The following DTNA variants were observed in gnomAD, a reference collection of about 807,000 sequenced individuals.
DTNA encodes dystrobrevin alpha.
In DTNA, 43 loss-of-function variants were observed where a neutral mutation model predicts 100.7. That is an observed-to-expected ratio of 0.43 (90% CI 0.33 to 0.55). The LOEUF (loss-of-function observed/expected upper bound fraction) is 0.55, where lower values mean the gene tolerates loss of function less well. DTNA is among the 20% of genes least tolerant of loss of function. The pLI, the probability that DTNA is intolerant of heterozygous loss-of-function variation, is 0.04. For missense variants in DTNA, 798 were observed against 953.9 expected, an observed-to-expected ratio of 0.84 and a Z score of 2.15; for synonymous variants, 349 against 347.9, an observed-to-expected ratio of 1.00 and a Z score of -0.04.
intron 1 of DTNA, among the ~76,000 whole-genome samples, chr18:34,716,734 A>G (rs897600190): frequency 2.0e-5 from 3 of 152,218 alleles, no homozygotes; most frequent in African/African-American, 7.2e-5. Flanking sequence ...TAACTAGCTG[A>G]GTTAATATAA....
At chr18:34,521,193 T>C (rs2042118300) in intron 1 of DTNA, among the ~76,000 whole-genome samples, 1 of 152,166 alleles carries the variant, frequency 6.6e-6, no homozygotes, top group African/African-American at 2.4e-5. Context: ...CCAGCAGTCA[T>C]CAAATGCTGA....
In DTNA at chr18:34,718,582, C is replaced by T. The variant is rs574435869; in HGVS notation, c.-2+8137C>T. Among the ~76,000 whole-genome samples, 79 of 152,180 alleles carry T rather than the reference C, an allele frequency of 5.2e-4. 1 individual carries two copies. The East Asian group carries it at 0.01, about 20-fold the overall frequency. On this transcript the variant is annotated intron_variant, in intron 1 of 22. Coordinates refer to ENST00000444659, the MANE Select transcript of DTNA (RefSeq NM_001386795.1). ...CCAGCATCAAAGCCCCCACTGTTTTCTAATAAGACGTTAGGTTTTATTTCT... is the reference window on the plus strand; with the variant it reads ...CCAGCATCAAAGCCCCCACTGTTTTTTAATAAGACGTTAGGTTTTATTTCT...
intron 1 of DTNA, among the ~76,000 whole-genome samples, chr18:34,607,094 T>A (rs999918703): frequency 2.0e-5 from 3 of 152,228 alleles, no homozygotes; most frequent in Admixed American, 2.0e-4. Context: ...GCATTTTACT[T>A]CATAATGAAT....
At chr18:34,705,522 G>A (rs1355221231), upstream of DTNA, among the ~76,000 whole-genome samples, 1 of 152,184 alleles carries the variant, frequency 6.6e-6, no homozygotes, top group Non-Finnish European at 1.5e-5. Flanking sequence ...TAGCACTAGA[G>A]TAATTTCATG....
intron 1 of DTNA, among the ~76,000 whole-genome samples, chr18:34,693,656 A>G (rs947667083): frequency 6.6e-6 from 1 of 152,148 alleles, no homozygotes; most frequent in African/African-American, 2.4e-5. Context: ...AATTAACCAA[A>G]TATCAGGAAC....
At chr18:34,720,021 G>A (rs543425851) in intron 1 of DTNA, among the ~76,000 whole-genome samples, 4 of 152,238 alleles carry the variant, frequency 2.6e-5, no homozygotes, top group African/African-American at 9.6e-5. Flanking sequence ...GTTCATTGCC[G>A]TCTTACTAGG....
intron 20 of DTNA, among the ~76,000 whole-genome samples, chr18:34,880,044 A>C (rs187911579): frequency 2.6e-5 from 4 of 152,316 alleles, no homozygotes; most frequent in Non-Finnish European, 4.4e-5. Flanking sequence ...AGACTAGTTC[A>C]GGAGATAAAT....
intron 1 of DTNA, among the ~76,000 whole-genome samples, chr18:34,703,840 A>G (rs1418652618): frequency 2.6e-5 from 4 of 152,176 alleles, no homozygotes; most frequent in Non-Finnish European, 4.4e-5. Flanking sequence ...TGCTTGTCTC[A>G]GTTTAGTCAA....
intron 1 of DTNA, among the ~76,000 whole-genome samples, chr18:34,677,361 A>C (rs1009026125): frequency 6.6e-6 from 1 of 152,144 alleles, no homozygotes; most frequent in African/African-American, 2.4e-5. Context: ...ATCTGGACAA[A>C]AAAAAAGAAA....
chr18:34,637,569 C>T (rs574113434), intron 1 of DTNA, among the ~76,000 whole-genome samples: 1 of 152,280 alleles, frequency 6.6e-6, no homozygotes, highest in Admixed American at 6.5e-5. Context: ...AGCTCTTAGT[C>T]CCCACTCCAC....
intron 22 of DTNA, 124 bp from the exon 23 acceptor site, chr18:34,887,640 CAT>C (rs1030486403): frequency 7.1e-6 from 4 of 560,004 alleles, no homozygotes; most frequent in African/African-American, 6.1e-5. Flanking sequence ...TGTGTGTGTG[CAT>C]GTGTGTGTGT....
chr18:34,793,117 A>G (rs1224882913), intron 3 of DTNA, among the ~76,000 whole-genome samples: 1 of 152,242 alleles, frequency 6.6e-6, no homozygotes, highest in Non-Finnish European at 1.5e-5. Context: ...AAGAGTGTTT[A>G]CCATATACTT....
At chr18:34,876,046 A>T (rs540710967) in intron 18 of DTNA, among the ~76,000 whole-genome samples, 5 of 152,312 alleles carry the variant, frequency 3.3e-5, no homozygotes, top group African/African-American at 9.6e-5. Context: ...GAATAATAAT[A>T]AAAAAATCAT....
intron 1 of DTNA, among the ~76,000 whole-genome samples, chr18:34,647,837 C>A (rs1176165655): frequency 2.0e-5 from 3 of 152,192 alleles, no homozygotes; most frequent in African/African-American, 2.4e-5. Flanking sequence ...CTGGCACTTA[C>A]AACAGTGCTT....
chr18:34,552,107 T>A (rs919020712), intron 1 of DTNA, among the ~76,000 whole-genome samples: 27 of 152,214 alleles, frequency 1.8e-4, no homozygotes, highest in Middle Eastern at 3.4e-3. Context: ...TATCTCATAT[T>A]CTTCTCTTAC....
chr18:34,543,498 C>T (rs1295921383), intron 1 of DTNA, among the ~76,000 whole-genome samples: 5 of 151,966 alleles, frequency 3.3e-5, no homozygotes, highest in Non-Finnish European at 7.4e-5. Flanking sequence ...ACTCTATTTG[C>T]CTTATAGATT....
rs1292610034 is a variant in DTNA at position 34,889,930 on chromosome 18, A to T, written c.*2196A>T. ...CCTCTGTGAACCCATACCTCTCTAGATGGAGCAGGTGGCCACTGGTGCCTC... is the reference window on the plus strand; with the variant it reads ...CCTCTGTGAACCCATACCTCTCTAGTTGGAGCAGGTGGCCACTGGTGCCTC... On this transcript the variant is annotated 3_prime_UTR_variant, in exon 23 of 23. Transcript: ENST00000444659. The T allele has an allele frequency of 2.2e-5, 23 of 1,045,276 alleles. No individual in the cohort carries two copies. The highest frequency in any genetic ancestry group is 2.7e-5 in the Non-Finnish European group (23 of 867,054). 64.8% of individuals were successfully genotyped at this position (1,045,276 alleles called of 1,614,324 possible). A position where few individuals can be genotyped will look rare whatever the true frequency, so the allele number is the denominator to read the frequency against.
chr18:34,667,208 G>A (rs1179028508), intron 1 of DTNA, among the ~76,000 whole-genome samples: 4 of 152,150 alleles, frequency 2.6e-5, no homozygotes, highest in African/African-American at 9.7e-5. Flanking sequence ...GTTCACTCAT[G>A]ATTTGGCTCT....
rs112560434 is a variant in DTNA, at chr18:34,621,228, A to G, written c.-2+127714A>G. On this transcript the variant is annotated intron_variant, in intron 1 of 19. Transcript: ENST00000283365. ...TATGTACATATTGTATATTACATAT[A>G]TATGATATATATATATCCTGTGAAT... is the stretch of plus-strand genomic sequence containing the variant. Among the ~76,000 whole-genome samples, 784 of 149,056 alleles carry G rather than the reference A, an allele frequency of 5.3e-3. 2 individuals carry two copies. The highest frequency in any genetic ancestry group is 0.015 in the Admixed American group (230 of 14,886).
Sources: allele counts gnomAD v4.1 joint callset (sites outside exome capture counted in the v4.1 genomes callset), GRCh38; gene constraint gnomAD v4.1.1; transcripts MANE v1.5; gene names NCBI Gene and HGNC (gene_info 2026-07-23, HGNC 2026-07-21).